MTFMT: variants seen among roughly 807,000 people sequenced by gnomAD.
MTFMT encodes mitochondrial methionyl-tRNA formyltransferase.
In MTFMT, 47 loss-of-function variants were observed where a neutral mutation model predicts 51.8. That is an observed-to-expected ratio of 0.91 (90% CI 0.72 to 1.16). MTFMT has a LOEUF of 1.16. Among genes scored for constraint, MTFMT ranks in the 50% most tolerant of loss-of-function variants. MTFMT has a pLI of 0.00. For synonymous variants in MTFMT, 196 were observed against 176.7 expected (o/e 1.11, Z -0.87); for missense variants, 512 against 482.3 (o/e 1.06, Z -0.58).
At chr15:65,012,383 T>C (rs910835177) in intron 6 of MTFMT, among the ~76,000 whole-genome samples, 2 of 151,882 alleles carry the variant, frequency 1.3e-5, no homozygotes, top group Non-Finnish European at 2.9e-5. Context: ...CATAAATGTA[T>C]GGGTTTATTT....
rs926925163 is a variant in MTFMT, at chr15:65,026,844, G to A, written c.406C>T (p.Leu136Phe). The A allele has an allele frequency of 1.3e-5, 21 of 1,613,434 alleles. No homozygotes were observed. The highest frequency in any genetic ancestry group is 1.8e-5 in the Non-Finnish European group (21 of 1,179,696). Residue 136 changes from leucine (L) to phenylalanine (F), a missense_variant, in exon 2 of 9, where the codon CTT becomes TTT. By Grantham distance (22) the Leu-to-Phe change is conservative (BLOSUM62 0). Transcript: ENST00000220058. ...FGRLLNEALI[L>F]KFPYGILNVH... Reference sequence around the variant, plus strand: ...AATAAAACTTACTAGGGAAATTTAAGAATAAGAGCCTCATTCAAAAGTCGG... The same window carrying A: ...AATAAAACTTACTAGGGAAATTTAAAAATAAGAGCCTCATTCAAAAGTCGG...
intron 6 of MTFMT, among the ~76,000 whole-genome samples, chr15:65,014,794 A>AT (rs1462554129): frequency 3.5e-4 from 50 of 144,232 alleles, no homozygotes; most frequent in African/African-American, 1.3e-3. Flanking sequence ...CGCCCAGCTA[A>AT]TTTTTTTGTG....
rs1485062083 is a variant in MTFMT, at chr15:65,029,398, C to A, written c.209+7G>T. ...CGGCCGGGTCCCCGGATCCCTGGCC[C>A]GGGTACCTGGCGGCGTGCAGCGCCC... On this transcript the variant is annotated splice_region_variant and intron_variant, in intron 1 of 8. Transcript: ENST00000220058. 1 of 1,484,002 alleles carries A rather than the reference C, an allele frequency of 6.7e-7. No individual in the cohort carries two copies. Among genetic ancestry groups the A allele is most frequent in the South Asian group, 1.3e-5 (1 of 78,568 alleles). The allele number at this position is 1,484,002 out of a possible 1,614,324, so 91.9% of individuals were successfully genotyped here.
Position 65,024,345 on chromosome 15 carries a change from G to C in MTFMT, c.420-551C>G, listed in dbSNP as rs189246692. 2.5e-3 allele frequency among the ~76,000 whole-genome samples: 387 copies of C among 152,190 alleles called. 3 individuals are homozygous for C. The highest frequency in any genetic ancestry group is 4.7e-3 in the Non-Finnish European group (322 of 67,982). The stretch of plus-strand genomic sequence containing the variant: ...CGTCGCAAAATCTACAACAGCCCAT[G>C]ATGTCTGGGAGTTTTTAAATAAAAT... On this transcript the variant is annotated intron_variant, in intron 2 of 8. Transcript: ENST00000220058.
Position 65,002,630 on chromosome 15 carries a change from A to C in MTFMT, c.*432T>G, listed in dbSNP as rs16948459. The C allele has an allele frequency of 0.013, 1,957 of 151,992 alleles. 48 individuals carry two copies. Among genetic ancestry groups the C allele is most frequent in the African/African-American group, 0.043 (1,793 of 41,406 alleles). The allele number at this position is 151,992 out of a possible 1,614,324, so 9.4% of individuals were successfully genotyped here. Reference sequence around the variant, plus strand: ...TGAGGCAATCCATCTTTTCGGCAATAATCTTCTCTTCTTATAATAATGCCA... The same window carrying C: ...TGAGGCAATCCATCTTTTCGGCAATCATCTTCTCTTCTTATAATAATGCCA... On this transcript the variant is annotated 3_prime_UTR_variant, in exon 9 of 9. Transcript: ENST00000220058.
intron 6 of MTFMT, among the ~76,000 whole-genome samples, chr15:65,012,318 AT>A (rs763568832): frequency 0.027 from 4,130 of 151,560 alleles, 107 homozygotes; most frequent in South Asian, 0.13. Flanking sequence ...AATAATAATA[AT>A]AATAAAAAGA....
chr15:65,008,412 A>C (rs1026578597), intron 6 of MTFMT, among the ~76,000 whole-genome samples: 4 of 152,220 alleles, frequency 2.6e-5, no homozygotes, highest in Non-Finnish European at 5.9e-5. Context: ...AACACACACC[A>C]GGAAATAAGT....
chr15:65,026,409 G>A (rs1272258669), intron 2 of MTFMT: 1 of 231,278 alleles, frequency 4.3e-6, no homozygotes, highest in Non-Finnish European at 9.1e-6. Flanking sequence ...ATAACACAGA[G>A]TGGATTGGTC....
intron 6 of MTFMT, among the ~76,000 whole-genome samples, chr15:65,008,019 T>C (rs1166250737): frequency 6.6e-6 from 1 of 152,194 alleles, no homozygotes; most frequent in Non-Finnish European, 1.5e-5. Flanking sequence ...TTTAAGATTA[T>C]TAAATATTGT....
At chr15:65,016,406 G>A (rs1242139475) in intron 6 of MTFMT, 30 bp downstream of exon 6, 2 of 1,391,210 alleles carry the variant, frequency 1.4e-6, no homozygotes, top group Non-Finnish European at 2.0e-6. Flanking sequence ...AACCAACTAG[G>A]TAGAACTGCA....
chr15:65,012,805 C>A (rs1036981270), intron 6 of MTFMT, among the ~76,000 whole-genome samples: 3 of 152,158 alleles, frequency 2.0e-5, no homozygotes, highest in Non-Finnish European at 2.9e-5. Context: ...TATGAGTCCT[C>A]CAATTTTGTT....
At chr15:65,004,299 G>A (rs2086204704) in intron 8 of MTFMT, among the ~76,000 whole-genome samples, 1 of 152,156 alleles carries the variant, frequency 6.6e-6, no homozygotes, top group African/African-American at 2.4e-5. Context: ...TAACATGTGT[G>A]AGCCACCTTG....
chr15:65,009,025 G>C (rs140259226), intron 6 of MTFMT, among the ~76,000 whole-genome samples: 329 of 152,240 alleles, frequency 2.2e-3, no homozygotes, highest in Admixed American at 3.5e-3. Flanking sequence ...AAAATAGTAT[G>C]TTTGCATGAA....
intron 4 of MTFMT, among the ~76,000 whole-genome samples, chr15:65,021,138 C>A (rs1027641072): frequency 6.6e-6 from 1 of 152,068 alleles, no homozygotes; most frequent in Non-Finnish European, 1.5e-5. Flanking sequence ...TGAAGCCAGG[C>A]AAAGAAATGG....
chr15:65,022,358 C>G (rs1242906942), intron 3 of MTFMT, among the ~76,000 whole-genome samples: 2 of 151,760 alleles, frequency 1.3e-5, no homozygotes, highest in Non-Finnish European at 2.9e-5. Flanking sequence ...GAGGCTGCAG[C>G]AGGAGAATCG....
At position 65,021,503 on chromosome 15, in the gene MTFMT, G is replaced by T; in HGVS notation, c.645+11C>A. The T allele has an allele frequency of 6.3e-7, 1 of 1,590,192 alleles. No homozygotes were observed. Among genetic ancestry groups the T allele is most frequent in the Non-Finnish European group, 8.6e-7 (1 of 1,159,364 alleles). The stretch of plus-strand genomic sequence containing the variant: ...ATGAGTAAAAAGCAGTAGGATATTG[G>T]GGAATTATACCATGTTGGCACCCAG... On this transcript the variant is annotated intron_variant, in intron 4 of 8. Coordinates refer to ENST00000220058, the MANE Select transcript of MTFMT (RefSeq NM_139242.4).
intron 6 of MTFMT, among the ~76,000 whole-genome samples, chr15:65,014,017 T>C (rs776953192): frequency 1.4e-4 from 22 of 152,146 alleles, no homozygotes; most frequent in Admixed American, 2.6e-4. Context: ...AATCCTTTTT[T>C]ATATGTTGCT....
intron 1 of MTFMT, 138 bp downstream of exon 1, chr15:65,029,267 A>G: frequency 7.8e-7 from 1 of 1,286,566 alleles, no homozygotes; most frequent in Non-Finnish European, 9.8e-7. Flanking sequence ...GGGAGCCAGA[A>G]GACGCCGAGA....
At chr15:65,013,865 C>A (rs1320812714) in intron 6 of MTFMT, among the ~76,000 whole-genome samples, 2 of 151,952 alleles carry the variant, frequency 1.3e-5, no homozygotes, top group Non-Finnish European at 2.9e-5. Flanking sequence ...ATTGCTAGAG[C>A]CCAGAAGGCG....
Sources: allele counts gnomAD v4.1 joint callset (sites outside exome capture counted in the v4.1 genomes callset), GRCh38; gene constraint gnomAD v4.1.1; transcripts MANE v1.5; gene names NCBI Gene and HGNC (gene_info 2026-07-23, HGNC 2026-07-21).